Variants in ARHGEF1 observed in about 807,000 individuals in gnomAD.
The protein encoded by ARHGEF1 is Rho guanine nucleotide exchange factor 1.
Under a neutral mutation model 119.7 loss-of-function variants are expected in ARHGEF1, and 40 were observed. The ratio of observed to expected loss-of-function variants is 0.33; its 90% CI spans 0.26 to 0.44. The LOEUF (loss-of-function observed/expected upper bound fraction) is 0.44, where lower values mean the gene tolerates loss of function less well. Among genes scored for constraint, ARHGEF1 ranks in the 20% least tolerant of loss-of-function variants. The pLI is 1.00. For missense variants in ARHGEF1, 976 were observed against 1,268.3 expected, an observed-to-expected ratio of 0.77 and a Z score of 3.50; for synonymous variants, 494 against 521.0, an observed-to-expected ratio of 0.95 and a Z score of 0.71.
At chr19:41,897,870 C>T in intron 13 of ARHGEF1, 1 of 1,265,410 alleles carries the variant, frequency 7.9e-7, no homozygotes, top group Non-Finnish European at 1.0e-6. Context: ...TTCTCTTCGT[C>T]TCTGTTCTTG....
chr19:41,904,391 C>T lies in ARHGEF1; in HGVS notation c.2161+8C>T, dbSNP rs2074656088. On this transcript the variant is annotated splice_region_variant and intron_variant, in intron 22 of 28. Coordinates refer to ENST00000354532, the MANE Select transcript of ARHGEF1 (RefSeq NM_004706.4). This position sits in a 1 kb window ranked among gnomAD's most constrained non-coding sequence, Gnocchi z 8.4. ...CCCGCGAGGTGGCCACCGGTGAGTGCAGCCACTGCATGGCCCAGGGCAGAG... is the reference window on the plus strand; with the variant it reads ...CCCGCGAGGTGGCCACCGGTGAGTGTAGCCACTGCATGGCCCAGGGCAGAG... 9 of 1,555,570 alleles carry T rather than the reference C, an allele frequency of 5.8e-6. No individual in the cohort carries two copies. Among genetic ancestry groups the T allele is most frequent in the African/African-American group, 1.4e-5 (1 of 73,852 alleles).
rs1568831580 is a variant in ARHGEF1 at position 41,914,574 on chromosome 19, C to CCCTCCCCTTCCACCATCTCT, written c.1865+7771_1865+7772insCCTCCCCTTCCACCATCTCT. The stretch of plus-strand genomic sequence containing the variant: ...CCTCCCCTTCCACCATCTCTGTCTC[C>CCCTCCCCTTCCACCATCTCT]GTCTCTCCCTCCCTTTCCACCATCT... On this transcript the variant is annotated intron_variant, in intron 18 of 20. Coordinates refer to the ARHGEF1 transcript ENST00000599589. Among the ~76,000 whole-genome samples the CCCTCCCCTTCCACCATCTCT allele has an allele frequency of 8.4e-4, 15 of 17,938 alleles. 3 individuals carry two copies. Among genetic ancestry groups the CCCTCCCCTTCCACCATCTCT allele is most frequent in the South Asian group, 3.8e-3 (1 of 266 alleles). 11.8% of individuals were successfully genotyped at this position (17,938 alleles called of 152,430 possible). A position where few individuals can be genotyped will look rare whatever the true frequency, so the allele number is the denominator to read the frequency against.
downstream of ARHGEF1, among the ~76,000 whole-genome samples, chr19:41,910,311 GT>G (rs2074744774): frequency 6.6e-6 from 1 of 152,122 alleles, no homozygotes; most frequent in Admixed American, 6.5e-5. This position sits in a 1 kb window ranked among gnomAD's most constrained non-coding sequence, Gnocchi z 4.4. Context: ...GGGACCCTGG[GT>G]TGGTACCAGT....
intron 1 of ARHGEF1, chr19:41,884,476 T>G (rs2074263143): frequency 6.2e-7 from 1 of 1,607,550 alleles, no homozygotes; most frequent in Non-Finnish European, 8.5e-7. Context: ...CGATGGCTTC[T>G]CTTTCCACCT....
intron 1 of ARHGEF1, among the ~76,000 whole-genome samples, chr19:41,885,347 C>G (rs11879437): frequency 0.029 from 4,360 of 152,318 alleles, 223 homozygotes; most frequent in African/African-American, 0.099. Context: ...TTCCAGGCAT[C>G]CATAAGAAGA....
chr19:41,893,013 A>C (rs1320667495), intron 7 of ARHGEF1, among the ~76,000 whole-genome samples, 164 bp downstream of exon 7: 1 of 152,144 alleles, frequency 6.6e-6, no homozygotes, highest in Admixed American at 6.5e-5. Flanking sequence ...ACTCACCTTG[A>C]ATCCGAGTCT....
upstream of ARHGEF1, among the ~76,000 whole-genome samples, chr19:41,919,295 A>C (rs2074823337): frequency 1.3e-5 from 2 of 152,124 alleles, no homozygotes; most frequent in Non-Finnish European, 2.9e-5. Flanking sequence ...TCACACACAG[A>C]CTTCGGCACA....
At chr19:41,894,335 C>G (rs1568814792) in intron 9 of ARHGEF1, 29 bp downstream of exon 9, 1 of 1,521,948 alleles carries the variant, frequency 6.6e-7, no homozygotes, top group Admixed American at 2.1e-5. Flanking sequence ...CGTCCTGACC[C>G]TTTCCTCTCC....
Position 41,883,703 on chromosome 19 carries a change from A to G in ARHGEF1, c.-20+414A>G, listed in dbSNP as rs1482010796. Among the ~76,000 whole-genome samples the G allele has an allele frequency of 6.6e-6, 1 of 151,982 alleles. No homozygotes were observed. The highest frequency in any genetic ancestry group is 1.5e-5 in the Non-Finnish European group (1 of 67,984). On this transcript the variant is annotated intron_variant, in intron 1 of 28. Transcript: ENST00000354532. The surrounding 1 kb of genome is among the most constrained non-coding windows in gnomAD (Gnocchi z 7.6). ...CAAAGCGCCATCCTCCAACCCCCGC[A>G]TGCTTTAGGGCCACCTAAAAATGAA...
chr19:41,897,877 C>T, intron 13 of ARHGEF1: 1 of 1,271,650 alleles, frequency 7.9e-7, no homozygotes, highest in Non-Finnish European at 9.9e-7. Context: ...CGTCTCTGTT[C>T]TTGTCTTGGT....
intron 1 of ARHGEF1, among the ~76,000 whole-genome samples, chr19:41,927,155 G>A (rs1294545133): frequency 2.0e-5 from 3 of 152,178 alleles, no homozygotes; most frequent in Non-Finnish European, 4.4e-5. Context: ...GAGATGCTGT[G>A]AGAGACAGAG....
At chr19:41,913,827 C>T (rs2145887715) in intron 18 of ARHGEF1, among the ~76,000 whole-genome samples, 1 of 151,088 alleles carries the variant, frequency 6.6e-6, no homozygotes, top group Admixed American at 6.6e-5. Context: ...GCAATCCACT[C>T]CCTCTCACAC....
upstream of ARHGEF1, among the ~76,000 whole-genome samples, chr19:41,920,766 G>A (rs995191849): frequency 5.9e-5 from 9 of 152,218 alleles, no homozygotes; most frequent in African/African-American, 1.7e-4. Flanking sequence ...ACACACAGAG[G>A]GACAGAATGG....
rs781815811 is a variant in ARHGEF1, at chr19:41,888,802, G to A, written c.162G>A (p.Arg54=). ...SQFQSLEQVK[R]RPAHLMALLQ... ...TCCAGAGCCTGGAGCAGGTGAAGCGGCGCCCAGCCCACCTCATGGCCCTCC... is the reference window on the plus strand; with the variant it reads ...TCCAGAGCCTGGAGCAGGTGAAGCGACGCCCAGCCCACCTCATGGCCCTCC... Residue 54 remains arginine (R), a synonymous_variant, in exon 4 of 29, where the codon CGG becomes CGA. Coordinates refer to ENST00000354532, the MANE Select transcript of ARHGEF1 (RefSeq NM_004706.4). This position sits in a 1 kb window ranked among gnomAD's most constrained non-coding sequence, Gnocchi z 5.1. The A allele has an allele frequency of 7.2e-5, 116 of 1,614,102 alleles. 4 individuals carry two copies. In the South Asian group the frequency reaches 1.2e-3, roughly 17 times the overall value.
chr19:41,905,529 ATGTG>A lies in ARHGEF1; in HGVS notation c.2337-220_2337-217del, dbSNP rs113976656. 2.3e-5 allele frequency: 14 copies of A among 612,860 alleles called. No individual in the cohort carries two copies. Among genetic ancestry groups the A allele is most frequent in the Non-Finnish European group, 3.7e-5 (13 of 348,318 alleles). 38.0% of individuals were successfully genotyped at this position (612,860 alleles called of 1,614,324 possible). ...CATGCGTGTGACAGCATGTGCATGC[ATGTG>A]TGTGTGTGTGCGCATGTGCCGACCC... On this transcript the variant is annotated intron_variant, in intron 24 of 28. Coordinates refer to ENST00000354532, the MANE Select transcript of ARHGEF1 (RefSeq NM_004706.4). The surrounding 1 kb of genome is among the most constrained non-coding windows in gnomAD (Gnocchi z 6.4).
At chr19:41,897,908 G>T in intron 13 of ARHGEF1, 1 of 1,281,962 alleles carries the variant, frequency 7.8e-7, no homozygotes, top group Non-Finnish European at 9.8e-7. Context: ...CTCTGTCCCC[G>T]GCATCTGCCT....
intron 18 of ARHGEF1, among the ~76,000 whole-genome samples, chr19:41,915,231 G>A (rs911263601): frequency 1.2e-4 from 16 of 138,558 alleles, no homozygotes; most frequent in African/African-American, 4.1e-4. Context: ...ACGTTATAAC[G>A]AGGAGCCGTG....
In ARHGEF1 at chr19:41,902,011, G is replaced by C; in HGVS notation, c.1392G>C (p.Leu464=). The C allele has an allele frequency of 1.2e-6, 2 of 1,614,026 alleles. No individual in the cohort carries two copies. Among genetic ancestry groups the C allele is most frequent in the East Asian group, 4.5e-5 (2 of 44,880 alleles). The change falls in exon 15 of 29, where the codon CTG becomes CTC. Residue 464 remains leucine (L), a synonymous_variant. Coordinates refer to ENST00000354532, the MANE Select transcript of ARHGEF1 (RefSeq NM_004706.4). The surrounding 1 kb of genome is among the most constrained non-coding windows in gnomAD (Gnocchi z 6.5). ...AGCTGCAGAACATCTTCCCCAGCCT[G>C]GACGAGCTCATCGAGGTGCATTGTG... is the stretch of plus-strand genomic sequence containing the variant. ...LEELQNIFPS[L]DELIEVHSLF...
At position 41,904,910 on chromosome 19, in the gene ARHGEF1, G is replaced by A. The variant is rs377456859; in HGVS notation, c.2162-39G>A. 1.2e-5 allele frequency: 18 copies of A among 1,563,602 alleles called. No homozygotes were observed. The African/African-American group carries it at 1.5e-4, about 13-fold the overall frequency. ...CTTAGGGAGGGGCAGGCACTGGGGGGACCTGGGCTCTGAGCCCCATCTCCC... is the reference window on the plus strand; with the variant it reads ...CTTAGGGAGGGGCAGGCACTGGGGGAACCTGGGCTCTGAGCCCCATCTCCC... On this transcript the variant is annotated intron_variant, in intron 22 of 28. Transcript: ENST00000354532. This position sits in a 1 kb window ranked among gnomAD's most constrained non-coding sequence, Gnocchi z 8.4.
Sources: gnomAD v4.1 joint callset for allele counts (sites outside exome capture counted in the v4.1 genomes callset) on GRCh38, gnomAD v4.1.1 for gene constraint, Gnocchi (gnomAD v3.1) non-coding constraint, MANE v1.5 for transcripts, NCBI Gene and HGNC (gene_info 2026-07-23, HGNC 2026-07-21) for gene names.